FMN2: variants seen among roughly 807,000 people sequenced by gnomAD.
The protein encoded by FMN2 is formin 2.
FMN2 carries 51 observed loss-of-function variants against 142.3 expected under a neutral mutation model. That is an observed-to-expected ratio of 0.36 (90% CI 0.29 to 0.45). The LOEUF is 0.45. Ranked by LOEUF, FMN2 falls within the 20% of genes least tolerant of loss-of-function variation. FMN2 has a pLI of 1.00. For synonymous variants in FMN2, 882 were observed against 869.8 expected, an observed-to-expected ratio of 1.01 and a Z score of -0.25; for missense variants, 1,936 against 2,122.8, an observed-to-expected ratio of 0.91 and a Z score of 1.73.
At chr1:240,459,733 A>T (rs1572338116) in intron 16 of FMN2, among the ~76,000 whole-genome samples, 1 of 106,724 alleles carries the variant, frequency 9.4e-6, no homozygotes, top group Non-Finnish European at 1.8e-5. Flanking sequence ...AAAAAAAAAA[A>T]AAAAAAAAAA....
intron 14 of FMN2, among the ~76,000 whole-genome samples, chr1:240,368,442 T>A (rs1429760558): frequency 6.6e-6 from 1 of 152,208 alleles, no homozygotes; most frequent in Non-Finnish European, 1.5e-5. Flanking sequence ...CATATGTTTT[T>A]GTACAAATAT....
intron 15 of FMN2, among the ~76,000 whole-genome samples, chr1:240,398,503 G>A (rs911585210): frequency 1.3e-5 from 2 of 152,172 alleles, no homozygotes; most frequent in African/African-American, 2.4e-5. Context: ...TGACAAAATC[G>A]TTAGTAAAAG....
intron 15 of FMN2, among the ~76,000 whole-genome samples, chr1:240,408,930 G>C (rs16839930): frequency 0.067 from 10,228 of 152,100 alleles, 1,191 homozygotes; most frequent in African/African-American, 0.23. Context: ...AATTTCTGTT[G>C]TTGTGAGTGT....
intron 6 of FMN2, among the ~76,000 whole-genome samples, chr1:240,241,412 G>A (rs1667892366): frequency 1.3e-5 from 2 of 152,082 alleles, no homozygotes; most frequent in South Asian, 4.1e-4. Context: ...GCAAATTCCT[G>A]TGCTGTATTT....
At chr1:240,262,401 T>G (rs908143855) in intron 7 of FMN2, among the ~76,000 whole-genome samples, 10 of 152,182 alleles carry the variant, frequency 6.6e-5, no homozygotes, top group Admixed American at 5.9e-4. Context: ...TACTCAGCAT[T>G]TTTAGTTGTT....
intron 2 of FMN2, among the ~76,000 whole-genome samples, chr1:240,131,859 G>A (rs989599520): frequency 6.6e-6 from 1 of 152,236 alleles, no homozygotes; most frequent in East Asian, 1.9e-4. Context: ...CAACCTGGGG[G>A]TGCTTTTGAA....
chr1:240,170,126 A>G (rs1188106233), intron 2 of FMN2: 2 of 643,620 alleles, frequency 3.1e-6, no homozygotes, highest in Non-Finnish European at 5.5e-6. Flanking sequence ...TAGGTTCTGC[A>G]TTAATATACA....
intron 13 of FMN2, among the ~76,000 whole-genome samples, chr1:240,342,176 A>G (rs186016553): frequency 3.9e-5 from 6 of 152,298 alleles, no homozygotes; most frequent in Admixed American, 3.3e-4. Flanking sequence ...TTTTAAAAGC[A>G]TACTATGTCT....
At chr1:240,154,857 C>G (rs567869646) in intron 2 of FMN2, 1 of 123,820 alleles carries the variant, frequency 8.1e-6, no homozygotes, top group African/African-American at 2.8e-5. Context: ...TCCCTCCCTC[C>G]CTCTTTCTTT....
chr1:240,407,146 T>C lies in FMN2; in HGVS notation c.4910+14584T>C, dbSNP rs909692715. Among the ~76,000 whole-genome samples the C allele has an allele frequency of 1.5e-4, 23 of 152,178 alleles. No homozygotes were observed. In the East Asian group the frequency reaches 4.3e-3, roughly 28 times the overall value. ...AGAAATTACAGCTACAATACTTTTT[T>C]TTTTTTTTTAAGACCAAGTCTCGCT... On this transcript the variant is annotated intron_variant, in intron 15 of 17. Transcript: ENST00000319653.
intron 7 of FMN2, among the ~76,000 whole-genome samples, chr1:240,277,058 A>G (rs1381653743): frequency 6.6e-6 from 1 of 152,160 alleles, no homozygotes; most frequent in African/African-American, 2.4e-5. Flanking sequence ...TCTTCCATAC[A>G]GAGGAACATA....
At chr1:240,119,631 C>A (rs1662157725) in intron 1 of FMN2, among the ~76,000 whole-genome samples, 1 of 152,102 alleles carries the variant, frequency 6.6e-6, no homozygotes, top group African/African-American at 2.4e-5. Context: ...CACGGAAATA[C>A]CAGGCCCAGG....
Position 240,092,477 on chromosome 1 carries a change from T to C in FMN2, c.368T>C (p.Leu123Pro). The part of the protein sequence containing the change: ...SLLTKTPDLS[L>P]SADEAGLSDT... The stretch of plus-strand genomic sequence containing the variant: ...CTCACCAAGACTCCAGACCTCAGCC[T>C]CTCGGCGGACGAGGCCGGCCTGTCG... The change falls in exon 1 of 18, where the codon CTC (leucine) becomes CCC (proline). Residue 123 changes from leucine to proline, a missense_variant. Around this residue, in one of 8 missense-constraint regions of FMN2, gnomAD observed 751 missense variants for 791.8 expected, o/e 0.95. Transcript: ENST00000319653. 6.2e-7 allele frequency: 1 copy of C among 1,608,390 alleles called. No homozygotes were observed. Among genetic ancestry groups the C allele is most frequent in the South Asian group, 1.1e-5 (1 of 90,370 alleles).
At chr1:240,234,834 G>C (rs12089856) in intron 6 of FMN2, among the ~76,000 whole-genome samples, 48,227 of 151,978 alleles carry the variant, frequency 0.32, 8,862 homozygotes, top group African/African-American at 0.51. Flanking sequence ...TTTTAGCAAA[G>C]CAATTATATA....
At chr1:240,420,430 C>G (rs1051082616) in intron 15 of FMN2, among the ~76,000 whole-genome samples, 1 of 152,188 alleles carries the variant, frequency 6.6e-6, no homozygotes, top group African/African-American at 2.4e-5. Context: ...CTAATTCTTG[C>G]ATCACCTTCC....
At chr1:240,200,430 T>C (rs993640988) in intron 4 of FMN2, among the ~76,000 whole-genome samples, 5 of 152,204 alleles carry the variant, frequency 3.3e-5, no homozygotes, top group African/African-American at 1.2e-4. Context: ...GCTGACTTTC[T>C]GAACTGGTAC....
At chr1:240,145,568 G>T (rs1663423806) in intron 2 of FMN2, among the ~76,000 whole-genome samples, 1 of 108,140 alleles carries the variant, frequency 9.2e-6, no homozygotes, top group African/African-American at 3.6e-5. Context: ...TTGAGACAGG[G>T]TCTTGCTCTG....
chr1:240,249,528 G>C (rs1668205548), intron 6 of FMN2, among the ~76,000 whole-genome samples: 1 of 152,210 alleles, frequency 6.6e-6, no homozygotes, highest in South Asian at 2.1e-4. Context: ...AGGTCAGGCA[G>C]TGTGATACCT....
At position 240,325,296 on chromosome 1, in the gene FMN2, T is replaced by TCA. The variant is rs561627865; in HGVS notation, c.4216-3779_4216-3778insAC. Among the ~76,000 whole-genome samples the TCA allele has an allele frequency of 3.0e-3, 428 of 141,280 alleles. 2 individuals carry two copies. The highest frequency in any genetic ancestry group is 0.011 in the African/African-American group (404 of 36,198). The allele number at this position is 141,280 out of a possible 152,430, so 92.7% of individuals were successfully genotyped here. A position where few individuals can be genotyped will look rare whatever the true frequency, so the allele number is the denominator to read the frequency against. On this transcript the variant is annotated intron_variant, in intron 8 of 17. Coordinates refer to ENST00000319653, the MANE Select transcript of FMN2 (RefSeq NM_020066.5). ...AGGTCAAGGCTGCAGTAAGCTGAGA[T>TCA]CGCGCCACTGCACTTCAGCCTGGGT...
Sources: gnomAD v4.1 joint callset for allele counts (sites outside exome capture counted in the v4.1 genomes callset) on GRCh38, gnomAD v4.1.1 for gene constraint, gnomAD v4.1.1 regional missense constraint, MANE v1.5 for transcripts, NCBI Gene and HGNC (gene_info 2026-07-23, HGNC 2026-07-21) for gene names.